Variants in PTPRG observed in about 807,000 individuals in gnomAD.
PTPRG encodes protein tyrosine phosphatase receptor type G.
Under a neutral mutation model 165.3 loss-of-function variants are expected in PTPRG, and 102 were observed. That is an observed-to-expected ratio of 0.62 (90% CI 0.53 to 0.73). The LOEUF is 0.73. PTPRG is among the 30% of genes least tolerant of loss of function. The pLI is 0.00. For synonymous variants in PTPRG, 675 were observed against 669.5 expected, an observed-to-expected ratio of 1.01 and a Z score of -0.13; for missense variants, 1,866 against 1,861.4, an observed-to-expected ratio of 1.00 and a Z score of -0.05.
intron 1 of PTPRG, among the ~76,000 whole-genome samples, chr3:61,639,966 G>A (rs1702018432): frequency 6.6e-6 from 1 of 152,122 alleles, no homozygotes; most frequent in South Asian, 2.1e-4. Context: ...GGGTGTCCCT[G>A]TCTTTTTCCT....
chr3:62,288,980 TTATAACTC>T (rs1702774300), intron 28 of PTPRG, among the ~76,000 whole-genome samples: 1 of 152,200 alleles, frequency 6.6e-6, no homozygotes, highest in Non-Finnish European at 1.5e-5. Flanking sequence ...ATTTAAGACT[TTATAACTC>T]TATACTAATA....
chr3:61,935,056 C>T (rs1159298205), intron 2 of PTPRG, among the ~76,000 whole-genome samples: 1 of 152,056 alleles, frequency 6.6e-6, no homozygotes, highest in African/African-American at 2.4e-5. Flanking sequence ...TACAGACATC[C>T]TCCTCTCCTT....
chr3:61,793,266 A>G (rs1575667954), intron 2 of PTPRG, among the ~76,000 whole-genome samples: 1 of 152,256 alleles, frequency 6.6e-6, no homozygotes, highest in East Asian at 1.9e-4. Flanking sequence ...TTGAATGGAT[A>G]TGTCACCTGG....
intron 1 of PTPRG, among the ~76,000 whole-genome samples, chr3:61,627,329 A>G (rs535846397): frequency 6.6e-6 from 1 of 152,268 alleles, no homozygotes; most frequent in South Asian, 2.1e-4. Context: ...GTAAAAAAAC[A>G]TAAAATTTGC....
chr3:62,257,001 A>C (rs550281620), intron 16 of PTPRG, among the ~76,000 whole-genome samples: 1 of 152,264 alleles, frequency 6.6e-6, no homozygotes, highest in East Asian at 1.9e-4. Context: ...GCTGATACTT[A>C]TGGGAGTGGA....
intron 4 of PTPRG, among the ~76,000 whole-genome samples, chr3:62,005,628 A>G (rs1447688103): frequency 6.6e-6 from 1 of 151,838 alleles, no homozygotes; most frequent in Non-Finnish European, 1.5e-5. Flanking sequence ...CCTCATGCCA[A>G]AAATGGCCAG....
intron 1 of PTPRG, among the ~76,000 whole-genome samples, chr3:61,585,615 C>T (rs1407478264): frequency 2.0e-5 from 3 of 151,970 alleles, no homozygotes; most frequent in East Asian, 1.9e-4. Flanking sequence ...GGTGTGGTTC[C>T]GTGTGCCTAT....
chr3:61,624,888 C>T (rs543120104), intron 1 of PTPRG, among the ~76,000 whole-genome samples: 31 of 152,204 alleles, frequency 2.0e-4, no homozygotes, highest in South Asian at 4.1e-4. Flanking sequence ...GCTCAGATAA[C>T]GGACATTTAC....
At chr3:61,958,575 C>T (rs940335972) in intron 2 of PTPRG, among the ~76,000 whole-genome samples, 1 of 152,164 alleles carries the variant, frequency 6.6e-6, no homozygotes, top group African/African-American at 2.4e-5. Context: ...TAATTGCCCT[C>T]TTTTATATGC....
At chr3:62,132,521 C>T in intron 5 of PTPRG, 81 bp from the exon 6 acceptor site, 2 of 1,129,738 alleles carry the variant, frequency 1.8e-6, no homozygotes, top group South Asian at 1.2e-5. Flanking sequence ...TATTCTCCCC[C>T]TTCTCTTTAG....
At chr3:62,060,245 A>G (rs1199258823) in intron 4 of PTPRG, among the ~76,000 whole-genome samples, 4 of 151,066 alleles carry the variant, frequency 2.6e-5, no homozygotes, top group Non-Finnish European at 5.9e-5. Context: ...CTTCCTGCTG[A>G]TTTCCTGTAT....
Position 62,293,377 on chromosome 3 carries a change from C to T in PTPRG, c.*70C>T, listed in dbSNP as rs1035144142. 5 of 1,349,170 alleles carry T rather than the reference C, an allele frequency of 3.7e-6. No individual in the cohort carries two copies. The Admixed American group carries it at 1.1e-4, about 29-fold the overall frequency. The allele number at this position is 1,349,170 out of a possible 1,614,324, so 83.6% of individuals were successfully genotyped here. On this transcript the variant is annotated 3_prime_UTR_variant, in exon 30 of 30. Coordinates refer to ENST00000474889, the MANE Select transcript of PTPRG (RefSeq NM_002841.4). ...GAGAACTTTTTTGAGGCCTTTTTTG[C>T]CAGACTCTAGGTTATACAATAACCC... is the stretch of plus-strand genomic sequence containing the variant.
In PTPRG at chr3:61,786,671, T is replaced by A. The variant is rs574705164; in HGVS notation, c.190+37689T>A. On this transcript the variant is annotated intron_variant, in intron 2 of 29. Transcript: ENST00000474889. ...TGGAGAAAAGACCTACTTTTACCTT[T>A]GTGCTTCTATTTTTATACTTATGTC... Among the ~76,000 whole-genome samples the A allele has an allele frequency of 3.2e-4, 49 of 152,338 alleles. No individual in the cohort carries two copies. In the South Asian group the frequency reaches 0.01, roughly 32 times the overall value.
At chr3:62,127,348 C>T (rs144857182) in intron 5 of PTPRG, among the ~76,000 whole-genome samples, 198 of 152,240 alleles carry the variant, frequency 1.3e-3, no homozygotes, top group African/African-American at 4.2e-3. Context: ...GTAAGAGCCA[C>T]GGAAGGAGGG....
intron 2 of PTPRG, among the ~76,000 whole-genome samples, chr3:61,764,031 C>T (rs2033938832): frequency 1.3e-5 from 2 of 152,104 alleles, no homozygotes; most frequent in South Asian, 4.2e-4. Flanking sequence ...TTGTAGGAAG[C>T]TCTATGTGAC....
intron 13 of PTPRG, among the ~76,000 whole-genome samples, chr3:62,225,983 A>G (rs1350253273): frequency 6.6e-6 from 1 of 152,198 alleles, no homozygotes; most frequent in East Asian, 1.9e-4. Context: ...ACTATGTACC[A>G]TACTAGACAT....
chr3:62,193,606 C>A (rs376803920), intron 9 of PTPRG, among the ~76,000 whole-genome samples: 2 of 152,342 alleles, frequency 1.3e-5, no homozygotes, highest in African/African-American at 4.8e-5. Context: ...CCTTCCGCAT[C>A]GTCACCACAA....
chr3:62,012,676 G>A (rs927461504), intron 4 of PTPRG, among the ~76,000 whole-genome samples: 3 of 152,140 alleles, frequency 2.0e-5, no homozygotes, highest in South Asian at 2.1e-4. Flanking sequence ...GAGGTCAGGT[G>A]TGGAATTTCC....
chr3:61,772,013 C>T (rs1050306039), intron 2 of PTPRG, among the ~76,000 whole-genome samples: 1 of 136,928 alleles, frequency 7.3e-6, no homozygotes, highest in Non-Finnish European at 1.5e-5. Flanking sequence ...TGAGCCGAGA[C>T]GATGCCTCTG....
Sources: allele counts gnomAD v4.1 joint callset (sites outside exome capture counted in the v4.1 genomes callset), GRCh38; gene constraint gnomAD v4.1.1; transcripts MANE v1.5; gene names NCBI Gene and HGNC (gene_info 2026-07-23, HGNC 2026-07-21).